Variants in SENP6 observed in about 807,000 individuals in gnomAD.
SENP6 encodes SUMO specific peptidase 6.
SENP6 carries 41 observed loss-of-function variants against 134.5 expected under a neutral mutation model. The observed-to-expected ratio is 0.30, with a 90% CI of 0.24 to 0.40. The LOEUF is 0.40. SENP6 is among the 10% of genes least tolerant of loss of function. SENP6 has a pLI of 1.00. For synonymous variants in SENP6, 395 were observed against 429.8 expected, an observed-to-expected ratio of 0.92 and a Z score of 1.00; for missense variants, 1,248 against 1,312.5, an observed-to-expected ratio of 0.95 and a Z score of 0.76.
chr6:75,655,752 A>C (rs912075187), intron 7 of SENP6, among the ~76,000 whole-genome samples: 1 of 152,216 alleles, frequency 6.6e-6, no homozygotes, highest in Non-Finnish European at 1.5e-5. Context: ...GTTTTTGTCT[A>C]TTAAGAATAA....
rs753390870 is a variant in SENP6, at chr6:75,675,973, T to C, written c.1540T>C (p.Tyr514His). 5.0e-6 allele frequency: 8 copies of C among 1,612,828 alleles called. No individual in the cohort carries two copies. The South Asian group carries it at 6.6e-5, about 13-fold the overall frequency. Residue 514 changes from tyrosine to histidine, a missense_variant, in exon 13 of 24, where the codon TAT (tyrosine) becomes CAT (histidine). Transcript: ENST00000447266. ...VVFLQAIPAV[Y>H]QKLSIQLQMN... Reference sequence around the variant, plus strand: ...GTTTCTTCAAGCAATTCCAGCAGTTTATCAAAAGCTGAGCATCCAACTGCA... The same window carrying C: ...GTTTCTTCAAGCAATTCCAGCAGTTCATCAAAAGCTGAGCATCCAACTGCA...
At chr6:75,683,434 C>A (rs1773602767) in intron 16 of SENP6, among the ~76,000 whole-genome samples, 1 of 152,130 alleles carries the variant, frequency 6.6e-6, no homozygotes, top group African/African-American at 2.4e-5. Flanking sequence ...GCTTTTGTTG[C>A]CATTGCTTTT....
At chr6:75,706,501 C>CACCTACA (rs1775414719) in intron 19 of SENP6, among the ~76,000 whole-genome samples, 1 of 152,132 alleles carries the variant, frequency 6.6e-6, no homozygotes, top group African/African-American at 2.4e-5. Flanking sequence ...CTAGTGCCCT[C>CACCTACA]ACCTACAAAT....
At chr6:75,605,915 A>G (rs561394318) in intron 1 of SENP6, among the ~76,000 whole-genome samples, 259 of 152,304 alleles carry the variant, frequency 1.7e-3, no homozygotes, top group African/African-American at 6.0e-3. Context: ...AATTAGCATG[A>G]TGTCAGTGGA....
At chr6:75,690,093 T>C (rs1774133020) in intron 16 of SENP6, among the ~76,000 whole-genome samples, 1 of 152,186 alleles carries the variant, frequency 6.6e-6, no homozygotes, top group African/African-American at 2.4e-5. Flanking sequence ...TTCACTTTTA[T>C]ACAGATGGTG....
intron 11 of SENP6, among the ~76,000 whole-genome samples, chr6:75,670,948 A>G (rs1772628409): frequency 6.7e-6 from 1 of 149,504 alleles, no homozygotes. Context: ...AGCTTCGTGC[A>G]TGAAACTTTC....
At chr6:75,636,047 A>T (rs1215042869) in intron 5 of SENP6, among the ~76,000 whole-genome samples, 2 of 147,932 alleles carry the variant, frequency 1.4e-5, no homozygotes, top group Non-Finnish European at 3.0e-5. Flanking sequence ...TGGTAATGTT[A>T]AAAAAAAACA....
In SENP6 at chr6:75,601,970, C is replaced by G. The variant is rs1031756865; in HGVS notation, c.-555C>G. On this transcript the variant is annotated 5_prime_UTR_variant, in exon 1 of 24. Transcript: ENST00000447266. ...TCCACATGGACAGTCGCAAAGGCCT[C>G]CGCTGATGCATTCACGCCTGGGCGG... The G allele has an allele frequency of 3.3e-5, 5 of 152,788 alleles. No homozygotes were observed. The highest frequency in any genetic ancestry group is 1.2e-4 in the African/African-American group (5 of 41,448). 9.5% of individuals were successfully genotyped at this position (152,788 alleles called of 1,614,324 possible). A position where few individuals can be genotyped will look rare whatever the true frequency, so the allele number is the denominator to read the frequency against.
intron 10 of SENP6, among the ~76,000 whole-genome samples, chr6:75,667,384 G>C (rs1290676770): frequency 6.6e-6 from 1 of 152,134 alleles, no homozygotes; most frequent in Admixed American, 6.5e-5. Flanking sequence ...TAATGCAGAT[G>C]ACATAGTATT....
In SENP6 at chr6:75,621,614, T is replaced by C. The variant is rs368137519; in HGVS notation, c.135T>C (p.Asp45=). Residue 45 remains aspartate, a synonymous_variant, in exon 2 of 24, where the codon GAT becomes GAC. Coordinates refer to ENST00000447266, the MANE Select transcript of SENP6 (RefSeq NM_015571.4). The stretch of plus-strand genomic sequence containing the variant: ...ATCATGAAGAAGAAAGTGAAGGAGA[T>C]ACAGATAAAGAGTAAGGATTTTTTT... ...SFDHEEESEG[D]TDKDGTNLLS... 3.4e-5 allele frequency: 51 copies of C among 1,496,608 alleles called. No individual in the cohort carries two copies. Among genetic ancestry groups the C allele is most frequent in the Non-Finnish European group, 4.0e-5 (43 of 1,075,166 alleles). The allele number at this position is 1,496,608 out of a possible 1,614,324, so 92.7% of individuals were successfully genotyped here.
In SENP6 at chr6:75,713,733, G is replaced by A. The variant is rs1775883996; in HGVS notation, c.3037G>A (p.Val1013Ile). 2 of 1,613,242 alleles carry A rather than the reference G, an allele frequency of 1.2e-6. No individual in the cohort carries two copies. Among genetic ancestry groups the A allele is most frequent in the African/African-American group, 1.3e-5 (1 of 74,902 alleles). The stretch of plus-strand genomic sequence containing the variant: ...AAGCAAAAGAAGTTTTTCCAAAGAT[G>A]TTATGAAGGGCTCTAATCCAAAAGT... ...KGSKRSFSKD[V>I]MKGSNPKVPQ... The change falls in exon 23 of 24, where the codon GTT becomes ATT. Residue 1013 changes from valine to isoleucine, a missense_variant. Val to Ile is a conservative substitution (Grantham distance 29, BLOSUM62 3). Coordinates refer to ENST00000447266, the MANE Select transcript of SENP6 (RefSeq NM_015571.4).
chr6:75,679,168 C>G (rs758564488), intron 16 of SENP6: 1 of 324,912 alleles, frequency 3.1e-6, no homozygotes, highest in Non-Finnish European at 5.6e-6. Context: ...AATCCTGACA[C>G]TTTGGGAGGT....
chr6:75,660,772 C>T (rs1336998763), intron 8 of SENP6, among the ~76,000 whole-genome samples: 5 of 152,118 alleles, frequency 3.3e-5, no homozygotes, highest in Non-Finnish European at 7.4e-5. Context: ...TCTGGGACTA[C>T]AGGCATCTGC....
chr6:75,657,084 A>G (rs1350000982), intron 7 of SENP6, among the ~76,000 whole-genome samples: 1 of 152,202 alleles, frequency 6.6e-6, no homozygotes, highest in African/African-American at 2.4e-5. Context: ...TAATGTGCAA[A>G]GATACTGTGT....
chr6:75,616,993 A>G (rs1240183668), intron 1 of SENP6, among the ~76,000 whole-genome samples: 1 of 151,914 alleles, frequency 6.6e-6, no homozygotes, highest in Non-Finnish European at 1.5e-5. Context: ...CTCCTATCCC[A>G]GTCTCCTGAG....
chr6:75,705,901 T>C (rs1293785350), intron 19 of SENP6, among the ~76,000 whole-genome samples: 1 of 148,374 alleles, frequency 6.7e-6, no homozygotes, highest in Non-Finnish European at 1.5e-5. Flanking sequence ...ATTATTTTAG[T>C]GAGTTAGAAA....
chr6:75,714,206 A>G (rs1260841191), intron 23 of SENP6, among the ~76,000 whole-genome samples: 1 of 152,170 alleles, frequency 6.6e-6, no homozygotes, highest in Non-Finnish European at 1.5e-5. Flanking sequence ...TCTACTTCTC[A>G]AATCTCTAAA....
At chr6:75,674,146 CTTTTT>C (rs770350544) in intron 11 of SENP6, among the ~76,000 whole-genome samples, 24 of 128,488 alleles carry the variant, frequency 1.9e-4, no homozygotes, top group Admixed American at 2.5e-4. Flanking sequence ...CAAGCTACTC[CTTTTT>C]TTTTTTTTTT....
intron 1 of SENP6, among the ~76,000 whole-genome samples, chr6:75,621,007 TA>T (rs1346165354): frequency 6.6e-6 from 1 of 152,224 alleles, no homozygotes; most frequent in Non-Finnish European, 1.5e-5. Context: ...TAAAATTTTT[TA>T]AAATTCATAA....
Sources: gnomAD v4.1 joint callset for allele counts (sites outside exome capture counted in the v4.1 genomes callset) on GRCh38, gnomAD v4.1.1 for gene constraint, MANE v1.5 for transcripts, NCBI Gene and HGNC (gene_info 2026-07-23, HGNC 2026-07-21) for gene names.